The following RSL1D1 variants were observed in gnomAD, a reference collection of about 807,000 sequenced individuals.
RSL1D1 encodes the protein ribosomal L1 domain-containing protein 1.
Under a neutral mutation model 44.6 loss-of-function variants are expected in RSL1D1, and 34 were observed. That is an observed-to-expected ratio of 0.76 (90% CI 0.58 to 1.02). The LOEUF (loss-of-function observed/expected upper bound fraction) is 1.02, where lower values mean the gene tolerates loss of function less well. Ranked by LOEUF, RSL1D1 falls within the 50% of genes least tolerant of loss-of-function variation. The pLI, the probability that RSL1D1 is intolerant of heterozygous loss-of-function variation, is 0.00. For missense variants in RSL1D1, 767 were observed against 568.1 expected (o/e 1.35, Z -3.56); for synonymous variants, 271 against 207.4 (o/e 1.31, Z -2.63).
At chr16:11,838,869 C>CAAA (rs1020441220) in intron 8 of RSL1D1, among the ~76,000 whole-genome samples, 1 of 138,158 alleles carries the variant, frequency 7.2e-6, no homozygotes, top group Admixed American at 7.3e-5. Context: ...AAAAAAAAAA[C>CAAA]AAAAAAAAAC....
At chr16:11,849,649 C>G (rs1169527256) in intron 2 of RSL1D1, among the ~76,000 whole-genome samples, 1 of 152,018 alleles carries the variant, frequency 6.6e-6, no homozygotes, top group African/African-American at 2.4e-5. Context: ...AGAATTTTTG[C>G]TTGACATGGA....
At position 11,842,861 on chromosome 16, in the gene RSL1D1, T is replaced by C. The variant is rs375113550; in HGVS notation, c.636-861A>G. ...ACCTTCGCCTCCTGGGTTCAAGCAA[T>C]TCTCCTGCCTCAGCCTCCCTAGTAG... On this transcript the variant is annotated intron_variant, in intron 5 of 8. Transcript: ENST00000571133. Among the ~76,000 whole-genome samples the C allele has an allele frequency of 1.4e-4, 21 of 151,670 alleles. No homozygotes were observed. The East Asian group carries it at 3.5e-3, about 25-fold the overall frequency.
chr16:11,850,296 T>A lies in RSL1D1; in HGVS notation c.228A>T (p.Lys76Asn). ...CAACTTACAATCTGACCCTCAGTTCTTTACTTGGAATTTTCCATAATACCA... is the reference window on the plus strand; with the variant it reads ...CAACTTACAATCTGACCCTCAGTTCATTACTTGGAATTTTCCATAATACCA... ...LMVVLWKIPS[K>N]ELRVRLTLPH... Residue 76 changes from lysine (K) to asparagine (N), a missense_variant, in exon 2 of 9, where the codon AAA becomes AAT. Transcript: ENST00000571133. The A allele has an allele frequency of 6.3e-7, 1 of 1,585,614 alleles. No individual in the cohort carries two copies. Among genetic ancestry groups the A allele is most frequent in the Non-Finnish European group, 8.5e-7 (1 of 1,172,448 alleles).
chr16:11,847,795 T>A lies in RSL1D1; in HGVS notation c.257A>T (p.His86Leu), dbSNP rs1316820403. ...KELRVRLTLPHSIRSDSEDIC... is the reference protein window; with the variant it reads ...KELRVRLTLPLSIRSDSEDIC... ...ATCTTCTGAATCTGATCGAATACTA[T>A]GAGGCAAGGTCCTACAAAATACGTG... Residue 86 changes from histidine to leucine, a missense_variant, in exon 3 of 9, where the codon CAT (histidine) becomes CTT (leucine). By Grantham distance (99) the His-to-Leu change is moderately conservative. Coordinates refer to ENST00000571133, the MANE Select transcript of RSL1D1 (RefSeq NM_015659.3). 6.2e-7 allele frequency: 1 copy of A among 1,613,218 alleles called. No homozygotes were observed. Among genetic ancestry groups the A allele is most frequent in the Non-Finnish European group, 8.5e-7 (1 of 1,179,764 alleles).
At chr16:11,851,253 G>T (rs2053835372) in intron 1 of RSL1D1, 155 bp downstream of exon 1, 1 of 730,674 alleles carries the variant, frequency 1.4e-6, no homozygotes, top group Non-Finnish European at 2.4e-6. Flanking sequence ...ACCCACGTGT[G>T]TAAAGGGGAG....
rs765296021 is a variant in RSL1D1 at position 11,850,323 on chromosome 16, C to G, written c.201G>C (p.Met67Ile). Residue 67 changes from methionine (M) to isoleucine (I), a missense_variant, in exon 2 of 9, where the codon ATG (methionine) becomes ATC (isoleucine). By Grantham distance (10) the Met-to-Ile change is conservative (BLOSUM62 1). Transcript: ENST00000571133. ...TACTTGGAATTTTCCATAATACCAC[C>G]ATTAAAAATAAACTTTCATTCTCAT... ...LLNENESLFLMVVLWKIPSKE... is the reference protein window; with the variant it reads ...LLNENESLFLIVVLWKIPSKE... The G allele has an allele frequency of 6.3e-7, 1 of 1,595,426 alleles. No homozygotes were observed. Among genetic ancestry groups the G allele is most frequent in the Non-Finnish European group, 8.5e-7 (1 of 1,175,542 alleles).
Position 11,838,095 on chromosome 16 carries a change from CTGTGGCA to C in RSL1D1, c.1158_1164del (p.His386GlnfsTer52). Reference sequence around the variant, plus strand: ...GGACTCTTTGCTGGAGACTTCTTTCCTGTGGCATGTTTTTGAATCTAAGAAAAAAAAA... The same window carrying C: ...GGACTCTTTGCTGGAGACTTCTTTCCTGTTTTTGAATCTAAGAAAAAAAAA... On this transcript the variant is annotated frameshift_variant, in exon 9 of 9. Transcript: ENST00000571133. LOFTEE classifies it low-confidence loss of function (END_TRUNC). 1 of 1,568,566 alleles carries C rather than the reference CTGTGGCA, an allele frequency of 6.4e-7. No homozygotes were observed. The highest frequency in any genetic ancestry group is 8.6e-7 in the Non-Finnish European group (1 of 1,165,158).
At chr16:11,848,302 A>G (rs534614565) in intron 2 of RSL1D1, among the ~76,000 whole-genome samples, 1 of 152,274 alleles carries the variant, frequency 6.6e-6, no homozygotes, top group South Asian at 2.1e-4. Context: ...CAAGTAAATC[A>G]CAAAAACACA....
chr16:11,846,155 G>A (rs538115704), intron 5 of RSL1D1, among the ~76,000 whole-genome samples: 1 of 151,716 alleles, frequency 6.6e-6, no homozygotes, highest in East Asian at 2.0e-4. Context: ...CACTTTGGGA[G>A]GCCAAGGCGG....
intron 5 of RSL1D1, among the ~76,000 whole-genome samples, chr16:11,843,124 G>A (rs1424518732): frequency 2.0e-5 from 3 of 149,758 alleles, no homozygotes; most frequent in Non-Finnish European, 4.4e-5. Context: ...TAGTAGAGAC[G>A]GGGTTTCTCC....
rs1421406072 is a variant in RSL1D1, at chr16:11,839,810, C to G, written c.1031G>C (p.Gly344Ala). 6.2e-7 allele frequency: 1 copy of G among 1,613,930 alleles called. No homozygotes were observed. Among genetic ancestry groups the G allele is most frequent in the African/African-American group, 1.3e-5 (1 of 74,894 alleles). ...ESKKEQTPEHGKKKRGRGKAQ... is the reference protein window; with the variant it reads ...ESKKEQTPEHAKKKRGRGKAQ... ...TTTTCCTCTGCCACGTTTTTTCTTC[C>G]CATGCTCTGGGGTCTGTTCCTTCTT... The change falls in exon 8 of 9, where the codon GGG becomes GCG. Residue 344 changes from glycine (G) to alanine (A), a missense_variant. Transcript: ENST00000571133.
At chr16:11,846,413 C>T in intron 5 of RSL1D1, 88 bp downstream of exon 5, 1 of 745,094 alleles carries the variant, frequency 1.3e-6, no homozygotes, top group African/African-American at 1.9e-5. Context: ...AAAACAAAAA[C>T]AAAAAACAAA....
rs2053766216 is a variant in RSL1D1 at position 11,841,911 on chromosome 16, G to T, written c.725C>A (p.Pro242Gln). The change falls in exon 6 of 9, where the codon CCA (proline) becomes CAA (glutamine). Residue 242 changes from proline to glutamine, a missense_variant. Coordinates refer to ENST00000571133, the MANE Select transcript of RSL1D1 (RefSeq NM_015659.3). ...GATGCACCTGTAATACTGTACCTCT[G>T]GCAATTTTTCTGAAAGTCCTTTGGT... is the stretch of plus-strand genomic sequence containing the variant. The part of the protein sequence containing the change: ...AVTKGLSEKL[P>Q]EKWESVKLLF... 1 of 1,613,028 alleles carries T rather than the reference G, an allele frequency of 6.2e-7. No homozygotes were observed. The highest frequency in any genetic ancestry group is 1.1e-5 in the South Asian group (1 of 90,762).
chr16:11,847,088 A>G (rs1050574825), intron 3 of RSL1D1, among the ~76,000 whole-genome samples: 1 of 152,194 alleles, frequency 6.6e-6, no homozygotes, highest in African/African-American at 2.4e-5. Flanking sequence ...ATATATTATT[A>G]TACATATGTT....
At chr16:11,843,758 C>A (rs2141252714) in intron 5 of RSL1D1, among the ~76,000 whole-genome samples, 1 of 148,388 alleles carries the variant, frequency 6.7e-6, no homozygotes, top group African/African-American at 2.5e-5. Context: ...ATAGTCCCAG[C>A]TACTTGGGAG....
In RSL1D1 at chr16:11,839,766, T is replaced by C; in HGVS notation, c.1075A>G (p.Asn359Asp). Residue 359 changes from asparagine (N) to aspartate (D), a missense_variant, in exon 8 of 9, where the codon AAT (asparagine) becomes GAT (aspartate). By Grantham distance (23) the Asn-to-Asp change is conservative. Coordinates refer to ENST00000571133, the MANE Select transcript of RSL1D1 (RefSeq NM_015659.3). ...TGTGGGATTTCGTCTTCGGATTCATTTGTTGCTTTAACTTGGGCTTTTCCT... is the reference window on the plus strand; with the variant it reads ...TGTGGGATTTCGTCTTCGGATTCATCTGTTGCTTTAACTTGGGCTTTTCCT... ...GRGKAQVKAT[N>D]ESEDEIPQLV... The C allele has an allele frequency of 6.2e-7, 1 of 1,614,146 alleles. No homozygotes were observed. Among genetic ancestry groups the C allele is most frequent in the Non-Finnish European group, 8.5e-7 (1 of 1,180,030 alleles).
At position 11,848,447 on chromosome 16, in the gene RSL1D1, C is replaced by T. The variant is rs192319542; in HGVS notation, c.246-641G>A. Among the ~76,000 whole-genome samples, 11 of 152,276 alleles carry T rather than the reference C, an allele frequency of 7.2e-5. No homozygotes were observed. In the East Asian group the frequency reaches 2.1e-3, roughly 29 times the overall value. On this transcript the variant is annotated intron_variant, in intron 2 of 8. Transcript: ENST00000571133. ...CACGTACTGTAATGCGCTATAAAAACCTAGCTTAATCAGGACAAGCCTGGT... is the reference window on the plus strand; with the variant it reads ...CACGTACTGTAATGCGCTATAAAAATCTAGCTTAATCAGGACAAGCCTGGT...
In RSL1D1 at chr16:11,837,945, C is replaced by G. The variant is rs376667184; in HGVS notation, c.1315G>C (p.Val439Leu). 37 of 1,613,880 alleles carry G rather than the reference C, an allele frequency of 2.3e-5. No homozygotes were observed. In the African/African-American group the frequency reaches 4.8e-4, roughly 21 times the overall value. ...EKKPKIKEEA[V>L]KEKSPSLGKK... is the part of the protein sequence containing the mutation. ...CCCAGCGAAGGACTTTTTTCCTTCA[C>G]TGCCTCTTCTTTGATTTTTGGCTTC... is the stretch of plus-strand genomic sequence containing the variant. Residue 439 changes from valine to leucine, a missense_variant, in exon 9 of 9, where the codon GTG becomes CTG. Physicochemically the swap from Val to Leu is conservative, Grantham distance 32. Coordinates refer to ENST00000571133, the MANE Select transcript of RSL1D1 (RefSeq NM_015659.3).
At chr16:11,844,008 A>G (rs902058657) in intron 5 of RSL1D1, among the ~76,000 whole-genome samples, 3 of 152,048 alleles carry the variant, frequency 2.0e-5, no homozygotes, top group Non-Finnish European at 2.9e-5. Context: ...TGGAGGGCTC[A>G]GCGCTGGGGC....
Sources: gnomAD v4.1 joint callset for allele counts (sites outside exome capture counted in the v4.1 genomes callset) on GRCh38, gnomAD v4.1.1 for gene constraint, MANE v1.5 for transcripts, NCBI Gene and HGNC (gene_info 2026-07-23, HGNC 2026-07-21) for gene names.